The following PKD1L3 variants were observed in gnomAD, a reference collection of about 807,000 sequenced individuals.
PKD1L3 encodes the protein polycystin 1 like 3, transient receptor potential channel interacting.
PKD1L3 carries 239 observed loss-of-function variants against 184.1 expected under a neutral mutation model. That is an observed-to-expected ratio of 1.30 (90% CI 1.17 to 1.45). The LOEUF (loss-of-function observed/expected upper bound fraction) is 1.45. Ranked by LOEUF, PKD1L3 falls within the 40% of genes most tolerant of loss-of-function variation. PKD1L3 has a pLI of 0.00. For missense variants in PKD1L3, 2,660 were observed against 2,067.2 expected (o/e 1.29, Z -5.56); for synonymous variants, 996 against 778.8 (o/e 1.28, Z -4.64).
At position 71,949,822 on chromosome 16, in the gene PKD1L3, T is replaced by A; in HGVS notation, c.3579A>T (p.Leu1193Phe). The A allele has an allele frequency of 6.4e-7, 1 of 1,551,358 alleles. No individual in the cohort carries two copies. Among genetic ancestry groups the A allele is most frequent in the Non-Finnish European group, 8.7e-7 (1 of 1,146,964 alleles). The change falls in exon 21 of 30, where the codon TTA becomes TTT. Residue 1193 changes from leucine (L) to phenylalanine (F), a missense_variant. By Grantham distance (22) the Leu-to-Phe change is conservative (BLOSUM62 0). Transcript: ENST00000620267. The stretch of plus-strand genomic sequence containing the variant: ...TGATGAAGATGTTCTGAAGCACTGA[T>A]AAAATAATTGAAATCATCCAGCTGG... ...QATSWMISII[L>F]SVLQNIFISQ...
chr16:71,947,755 C>G (rs1001471878), intron 21 of PKD1L3, among the ~76,000 whole-genome samples, 164 bp from the exon 22 acceptor site: 2 of 152,070 alleles, frequency 1.3e-5, no homozygotes, highest in African/African-American at 4.8e-5. Flanking sequence ...ATGATGGGTA[C>G]CAGGAGAAGG....
In PKD1L3 at chr16:71,986,309, G is replaced by A; in HGVS notation, c.746C>T (p.Ala249Val). The change falls in exon 5 of 30, where the codon GCA becomes GTA. Residue 249 changes from alanine to valine, a missense_variant. Ala to Val is a moderately conservative substitution (Grantham distance 64). Coordinates refer to ENST00000620267, the MANE Select transcript of PKD1L3 (RefSeq NM_181536.2). ...VSVTHAGQSL[A>V]ETTSSPKEEG... is the part of the protein sequence containing the mutation. Reference sequence around the variant, plus strand: ...TTCCTTTGGGCTTGAAGTTGTTTCTGCCAGAGATTGCCCAGCATGCGTGAC... The same window carrying A: ...TTCCTTTGGGCTTGAAGTTGTTTCTACCAGAGATTGCCCAGCATGCGTGAC... 1 of 1,552,106 alleles carries A rather than the reference G, an allele frequency of 6.4e-7. No homozygotes were observed. Among genetic ancestry groups the A allele is most frequent in the South Asian group, 1.2e-5 (1 of 84,056 alleles).
At chr16:71,973,800 G>C (rs761722949) in intron 11 of PKD1L3, among the ~76,000 whole-genome samples, 7 of 151,988 alleles carry the variant, frequency 4.6e-5, no homozygotes, top group African/African-American at 7.3e-5. Flanking sequence ...TCAGGAGTTC[G>C]AGACCAGCCT....
At chr16:71,957,432 A>G (rs1001627853) in intron 16 of PKD1L3, among the ~76,000 whole-genome samples, 1 of 152,226 alleles carries the variant, frequency 6.6e-6, no homozygotes, top group Admixed American at 6.5e-5. Context: ...AATGGACCAA[A>G]AAAATGCCTA....
rs2040894676 is a variant in PKD1L3, at chr16:71,999,334, C to T, written c.295+350G>A. ...AAGACAATAGGTAGATACTCTTCCT[C>T]TTAGTTTTGTGTTAGGAAACTTAGA... On this transcript the variant is annotated intron_variant, in intron 1 of 29. Transcript: ENST00000620267. Among the ~76,000 whole-genome samples the T allele has an allele frequency of 2.0e-5, 3 of 151,834 alleles. No individual in the cohort carries two copies. The South Asian group carries it at 6.2e-4, about 32-fold the overall frequency.
chr16:71,933,153 G>A (rs528338417), intron 28 of PKD1L3, among the ~76,000 whole-genome samples: 2 of 152,150 alleles, frequency 1.3e-5, no homozygotes, highest in South Asian at 2.1e-4. Flanking sequence ...CACAAGCTTC[G>A]GCTCAGTGTC....
chr16:71,949,666 T>C (rs1305552931), intron 21 of PKD1L3, 117 bp downstream of exon 21: 1 of 972,798 alleles, frequency 1.0e-6, no homozygotes, highest in Non-Finnish European at 1.5e-6. Context: ...TTTGCCTATT[T>C]GTTTTTTGTT....
intron 11 of PKD1L3, 131 bp from the exon 12 acceptor site, chr16:71,973,648 G>C (rs906928652): frequency 2.3e-6 from 2 of 864,462 alleles, no homozygotes; most frequent in Non-Finnish European, 3.5e-6. Flanking sequence ...CAAATGATTT[G>C]AAAGAAAATG....
At chr16:71,932,651 G>T (rs975004804) in intron 28 of PKD1L3, among the ~76,000 whole-genome samples, 2 of 151,536 alleles carry the variant, frequency 1.3e-5, no homozygotes, top group Non-Finnish European at 2.9e-5. Context: ...GCTAATTTTT[G>T]TGTTTTTATT....
chr16:71,998,186 T>C, intron 2 of PKD1L3, 86 bp downstream of exon 2: 1 of 1,506,504 alleles, frequency 6.6e-7, no homozygotes. Flanking sequence ...TCACAGACTA[T>C]TTAACCAATA....
chr16:71,956,863 T>A (rs1008082760), intron 16 of PKD1L3, among the ~76,000 whole-genome samples: 2 of 152,174 alleles, frequency 1.3e-5, no homozygotes, highest in African/African-American at 4.8e-5. Context: ...AACATACACA[T>A]AAATAAATAT....
intron 15 of PKD1L3, among the ~76,000 whole-genome samples, chr16:71,966,223 A>T (rs571909593): frequency 3.9e-5 from 6 of 152,184 alleles, no homozygotes; most frequent in African/African-American, 1.4e-4. Context: ...ACTCCAAGGA[A>T]CCAGTAATCC....
chr16:71,963,445 A>T, intron 15 of PKD1L3, 94 bp from the exon 16 acceptor site: 1 of 1,285,190 alleles, frequency 7.8e-7, no homozygotes, highest in Non-Finnish European at 1.0e-6. Context: ...AAACTGTCCA[A>T]GTAAATGAAC....
rs2037850403 is a variant in PKD1L3 at position 71,929,673 on chromosome 16, T to G, written c.5064A>C (p.Glu1688Asp). ...GTAGCAGTGTATCTATTAGTGCAGCTTCTTTCTGAGTATTGAAGACAAAAA... is the reference window on the plus strand; with the variant it reads ...GTAGCAGTGTATCTATTAGTGCAGCGTCTTTCTGAGTATTGAAGACAAAAA... ...FGKERKSLKKEAALIDTLLQK... is the reference protein window; with the variant it reads ...FGKERKSLKKDAALIDTLLQK... The change falls in exon 30 of 30, where the codon GAA (glutamate) becomes GAC (aspartate). Residue 1688 changes from glutamate to aspartate, a missense_variant. Glu to Asp is a conservative substitution (Grantham distance 45). Coordinates refer to ENST00000620267, the MANE Select transcript of PKD1L3 (RefSeq NM_181536.2). 1.3e-6 allele frequency: 2 copies of G among 1,545,008 alleles called. No individual in the cohort carries two copies. The highest frequency in any genetic ancestry group is 4.1e-5 in the Admixed American group (2 of 49,028).
At chr16:71,945,311 CACACACACACATATAT>C (rs1178781167) in intron 22 of PKD1L3, among the ~76,000 whole-genome samples, 1 of 47,076 alleles carries the variant, frequency 2.1e-5, no homozygotes, top group East Asian at 1.6e-3. Flanking sequence ...TATATACACA[CACACACACACATATAT>C]ACACACACAC....
At chr16:71,954,990 C>T (rs2038989620) in intron 16 of PKD1L3, among the ~76,000 whole-genome samples, 1 of 152,030 alleles carries the variant, frequency 6.6e-6, no homozygotes, top group Non-Finnish European at 1.5e-5. Context: ...TGAAAGGATA[C>T]TTGAGAACAA....
Position 71,971,065 on chromosome 16 carries a change from G to A in PKD1L3, c.1954-960C>T, listed in dbSNP as rs536800812. ...TAGTTCCTAGACTTGGGCATGGCAC[G>A]TAGAAGACACTCAATAAATATTCGG... is the stretch of plus-strand genomic sequence containing the variant. On this transcript the variant is annotated intron_variant, in intron 12 of 29. Transcript: ENST00000620267. Among the ~76,000 whole-genome samples, 9 of 152,206 alleles carry A rather than the reference G, an allele frequency of 5.9e-5. No homozygotes were observed. In the East Asian group the frequency reaches 7.7e-4, roughly 13 times the overall value.
chr16:71,985,224 T>C (rs2040310787), intron 5 of PKD1L3, among the ~76,000 whole-genome samples: 1 of 152,176 alleles, frequency 6.6e-6, no homozygotes, highest in Admixed American at 6.5e-5. Flanking sequence ...AAAATCTTTG[T>C]TTAAACTCCT....
At chr16:71,977,563 T>TCCTC in intron 10 of PKD1L3, 96 bp from the exon 11 acceptor site, 1 of 323,478 alleles carries the variant, frequency 3.1e-6, no homozygotes, top group Non-Finnish European at 4.5e-6. Flanking sequence ...CCTAGCTCTT[T>TCCTC]TTTTTTTTTT....
Sources: allele counts gnomAD v4.1 joint callset (sites outside exome capture counted in the v4.1 genomes callset), GRCh38; gene constraint gnomAD v4.1.1; transcripts MANE v1.5; gene names NCBI Gene and HGNC (gene_info 2026-07-23, HGNC 2026-07-21).